Variants in LRRFIP2 observed in about 807,000 individuals in gnomAD.
The protein encoded by LRRFIP2 is leucine-rich repeat flightless-interacting protein 2.
In LRRFIP2, 109 loss-of-function variants were observed where a neutral mutation model predicts 125.9. The ratio of observed to expected loss-of-function variants is 0.87; its 90% CI spans 0.74 to 1.01. The LOEUF is 1.01. Ranked by LOEUF, LRRFIP2 falls within the 50% of genes least tolerant of loss-of-function variation. The pLI is 0.00. For synonymous variants in LRRFIP2, 291 were observed against 293.1 expected (o/e 0.99, Z 0.07); for missense variants, 850 against 862.3 (o/e 0.99, Z 0.18).
At chr3:37,161,179 T>TTAA (rs1408490057) in intron 1 of LRRFIP2, among the ~76,000 whole-genome samples, 3 of 88,144 alleles carry the variant, frequency 3.4e-5, no homozygotes, top group African/African-American at 4.4e-5. Context: ...CCCCATCTAC[T>TTAA]AAAAAAAAAA....
intron 14 of LRRFIP2, among the ~76,000 whole-genome samples, chr3:37,105,218 AAAT>A (rs1392852446): frequency 1.3e-5 from 2 of 152,246 alleles, no homozygotes; most frequent in East Asian, 1.9e-4. Context: ...AAAACTTTTC[AAAT>A]AATGATTCAC....
In LRRFIP2 at chr3:37,168,695, A is replaced by G. The variant is rs560423979; in HGVS notation, c.-56+5844T>C. 5.9e-5 allele frequency among the ~76,000 whole-genome samples: 9 copies of G among 152,374 alleles called. No homozygotes were observed. The East Asian group carries it at 1.5e-3, about 26-fold the overall frequency. ...AGTTATGTACACAGTCATGTGCTGC[A>G]TAAGGATGTTCCAGTCAACAATGGA... On this transcript the variant is annotated intron_variant, in intron 1 of 27. Transcript: ENST00000336686.
chr3:37,073,861 T>C (rs1468997975), intron 20 of LRRFIP2, among the ~76,000 whole-genome samples: 1 of 152,204 alleles, frequency 6.6e-6, no homozygotes, highest in Non-Finnish European at 1.5e-5. Flanking sequence ...GGTTGGCATT[T>C]TGGCACAAAA....
intron 1 of LRRFIP2, among the ~76,000 whole-genome samples, chr3:37,149,798 C>T (rs574426432): frequency 6.6e-6 from 1 of 151,040 alleles, no homozygotes; most frequent in African/African-American, 2.4e-5. Context: ...GCCAGGAGTT[C>T]GAGACCAGCC....
chr3:37,091,444 G>C, intron 18 of LRRFIP2, 23 bp downstream of exon 18: 1 of 1,591,684 alleles, frequency 6.3e-7, no homozygotes, highest in Non-Finnish European at 8.6e-7. Context: ...AGCATGCTTG[G>C]GCTGCAGAAT....
chr3:37,134,157 G>A (rs1466288329), intron 2 of LRRFIP2, among the ~76,000 whole-genome samples: 2 of 149,734 alleles, frequency 1.3e-5, no homozygotes, highest in Non-Finnish European at 3.0e-5. Context: ...ACTCTAGCCT[G>A]GGCAGCAGAG....
In LRRFIP2 at chr3:37,135,162, G is replaced by A. The variant is rs2095525624; in HGVS notation, c.91-6013C>T. 34 of 996,400 alleles carry A rather than the reference G, an allele frequency of 3.4e-5. No individual in the cohort carries two copies. The South Asian group carries it at 4.8e-4, about 14-fold the overall frequency. 61.7% of individuals were successfully genotyped at this position (996,400 alleles called of 1,614,324 possible). On this transcript the variant is annotated intron_variant, in intron 2 of 27. Coordinates refer to ENST00000336686, the MANE Select transcript of LRRFIP2 (RefSeq NM_006309.4). Reference sequence around the variant, plus strand: ...TAGCTGGAATAAACTTTAAATTACTGTTTAAAAAAAAAAAAAGGCTGGGCA... The same window carrying A: ...TAGCTGGAATAAACTTTAAATTACTATTTAAAAAAAAAAAAAGGCTGGGCA...
intron 21 of LRRFIP2, among the ~76,000 whole-genome samples, chr3:37,070,065 T>A (rs1269711220): frequency 6.6e-6 from 1 of 152,086 alleles, no homozygotes; most frequent in African/African-American, 2.4e-5. Context: ...AGATGTTACA[T>A]TTGGGGAAGA....
chr3:37,111,175 CCTT>C, intron 8 of LRRFIP2, 110 bp from the exon 9 acceptor site: 1 of 673,124 alleles, frequency 1.5e-6, no homozygotes, highest in Non-Finnish European at 2.6e-6. Flanking sequence ...TTGCCAAATC[CCTT>C]CTTCTCCAAA....
At chr3:37,108,944 C>T (rs2094450459) in intron 11 of LRRFIP2, among the ~76,000 whole-genome samples, 1 of 152,080 alleles carries the variant, frequency 6.6e-6, no homozygotes, top group African/African-American at 2.4e-5. Context: ...GGAGAATTAA[C>T]GTGTACACAT....
chr3:37,096,252 A>G (rs1479342294), intron 16 of LRRFIP2, among the ~76,000 whole-genome samples: 2 of 152,206 alleles, frequency 1.3e-5, no homozygotes, highest in Admixed American at 1.3e-4. Context: ...TTACTTCAAG[A>G]AACAATTTAT....
intron 25 of LRRFIP2, 128 bp from the exon 26 acceptor site, chr3:37,055,293 G>A (rs549646475): frequency 3.7e-5 from 20 of 545,376 alleles, no homozygotes; most frequent in East Asian, 9.9e-5. Flanking sequence ...GGCTGGGCGC[G>A]GTGACTCACG....
intron 7 of LRRFIP2, 133 bp downstream of exon 7, chr3:37,114,921 T>C (rs975834901): frequency 3.0e-6 from 2 of 657,122 alleles, no homozygotes; most frequent in South Asian, 4.2e-5. Flanking sequence ...ATTAGCTTTT[T>C]GCTTTGTTAG....
chr3:37,076,361 TA>T (rs895347198), intron 19 of LRRFIP2, among the ~76,000 whole-genome samples: 1 of 151,206 alleles, frequency 6.6e-6, no homozygotes, highest in Non-Finnish European at 1.5e-5. Flanking sequence ...CCCATCTCTA[TA>T]AAAAAAATTC....
intron 11 of LRRFIP2, 47 bp downstream of exon 11, chr3:37,109,480 C>T (rs755823566): frequency 1.9e-6 from 3 of 1,598,340 alleles, no homozygotes; most frequent in Admixed American, 1.7e-5. Context: ...AGCACCATGA[C>T]ATTGACCCCA....
At chr3:37,076,277 A>G (rs540035978) in intron 19 of LRRFIP2, among the ~76,000 whole-genome samples, 1 of 152,294 alleles carries the variant, frequency 6.6e-6, no homozygotes, top group East Asian at 1.9e-4. Flanking sequence ...TAATCCCAGC[A>G]CTCTGGGAGG....
chr3:37,062,707 T>C (rs1190542466), intron 24 of LRRFIP2, among the ~76,000 whole-genome samples: 1 of 152,162 alleles, frequency 6.6e-6, no homozygotes, highest in African/African-American at 2.4e-5. Flanking sequence ...AGGAGAACCA[T>C]GGCAACTCAG....
At chr3:37,096,729 G>A in intron 15 of LRRFIP2, 69 bp from the exon 16 acceptor site, 1 of 787,892 alleles carries the variant, frequency 1.3e-6, no homozygotes, top group Non-Finnish European at 2.1e-6. Context: ...GAGGAAAAAA[G>A]TGATCTTGAG....
At chr3:37,167,221 A>G (rs1413018892) in intron 1 of LRRFIP2, among the ~76,000 whole-genome samples, 1 of 151,772 alleles carries the variant, frequency 6.6e-6, no homozygotes, top group Non-Finnish European at 1.5e-5. Context: ...AAAGAAAGAA[A>G]GAAAGAAAAG....
Sources: gnomAD v4.1 joint callset for allele counts (sites outside exome capture counted in the v4.1 genomes callset) on GRCh38, gnomAD v4.1.1 for gene constraint, MANE v1.5 for transcripts, NCBI Gene and HGNC (gene_info 2026-07-23, HGNC 2026-07-21) for gene names.